The following RALB variants were observed in gnomAD, a reference collection of about 807,000 sequenced individuals.
RALB encodes ras-related protein Ral-B.
A neutral mutation model predicts 21.3 loss-of-function variants in RALB; 16 were observed. The ratio of observed to expected loss-of-function variants is 0.75; its 90% CI spans 0.51 to 1.14. The LOEUF is 1.14. Ranked by LOEUF, RALB falls within the 50% of genes most tolerant of loss-of-function variation. RALB has a pLI of 0.00. For missense variants in RALB, 161 were observed against 256.2 expected, an observed-to-expected ratio of 0.63 and a Z score of 2.54; for synonymous variants, 93 against 96.1, an observed-to-expected ratio of 0.97 and a Z score of 0.19.
chr2:120,286,806 C>A (rs1690171251), intron 3 of RALB, among the ~76,000 whole-genome samples: 1 of 152,106 alleles, frequency 6.6e-6, no homozygotes, highest in African/African-American at 2.4e-5. Flanking sequence ...AGTAGAATAT[C>A]CATTGTTATT....
At chr2:120,283,866 A>AGC (rs1690056827) in intron 2 of RALB, among the ~76,000 whole-genome samples, 1 of 152,220 alleles carries the variant, frequency 6.6e-6, no homozygotes, top group Non-Finnish European at 1.5e-5. Flanking sequence ...TTTCCAGCTG[A>AGC]GCAATGTAAA....
At chr2:120,256,286 C>A (rs7601517) in intron 1 of RALB, among the ~76,000 whole-genome samples, 1 of 152,134 alleles carries the variant, frequency 6.6e-6, no homozygotes, top group African/African-American at 2.4e-5. Flanking sequence ...TAGCTTTTCT[C>A]CCCAGAGCAA....
chr2:120,264,432 G>A (rs1306961230), intron 1 of RALB, among the ~76,000 whole-genome samples: 4 of 152,158 alleles, frequency 2.6e-5, no homozygotes, highest in African/African-American at 9.7e-5. Context: ...GATTACAGGC[G>A]TGAGCCACCA....
chr2:120,287,537 C>T (rs75883745), intron 3 of RALB, among the ~76,000 whole-genome samples: 12,201 of 152,318 alleles, frequency 0.08, 654 homozygotes, highest in Non-Finnish European at 0.12. Context: ...ACACTCTCTT[C>T]TTTTCTTCCC....
At chr2:120,276,772 A>G (rs1689806507) in intron 1 of RALB, among the ~76,000 whole-genome samples, 1 of 152,114 alleles carries the variant, frequency 6.6e-6, no homozygotes. Flanking sequence ...GGTGTTTTCC[A>G]TGTATATCCT....
chr2:120,277,627 T>C (rs1194746421), intron 1 of RALB, among the ~76,000 whole-genome samples: 1 of 150,928 alleles, frequency 6.6e-6, no homozygotes, highest in Non-Finnish European at 1.5e-5. Flanking sequence ...TGTGAGCTTG[T>C]GAGTGTACAT....
chr2:120,278,636 G>A lies in RALB; in HGVS notation c.-29G>A. The A allele has an allele frequency of 6.4e-7, 1 of 1,562,158 alleles. No individual in the cohort carries two copies. Among genetic ancestry groups the A allele is most frequent in the Non-Finnish European group, 8.7e-7 (1 of 1,153,512 alleles). ...TCAGCAGCTCTTCAGTGGGTCATCT[G>A]TGTGTCACAGCCTCAGAAGACCAGC... On this transcript the variant is annotated 5_prime_UTR_variant, in exon 2 of 5. It adds an upstream start codon to the 5' untranslated region. Coordinates refer to ENST00000272519, the MANE Select transcript of RALB (RefSeq NM_002881.3).
chr2:120,272,962 G>GA (rs1377697934), intron 1 of RALB, among the ~76,000 whole-genome samples: 1 of 152,140 alleles, frequency 6.6e-6, no homozygotes, highest in Non-Finnish European at 1.5e-5. Context: ...TTTGGTACAA[G>GA]AAAAAACAAA....
chr2:120,257,191 C>A (rs565916649), intron 1 of RALB, among the ~76,000 whole-genome samples: 44 of 152,266 alleles, frequency 2.9e-4, no homozygotes, highest in African/African-American at 1.0e-3. Flanking sequence ...TAAAATTAGT[C>A]ATTCATTATC....
At chr2:120,240,192 G>T (rs1688869320) in intron 1 of RALB, 6 of 1,280,702 alleles carry the variant, frequency 4.7e-6, no homozygotes, top group South Asian at 3.7e-5. Flanking sequence ...CTTGCCTGTT[G>T]TTATCCTCAT....
At chr2:120,281,240 GC>G (rs1689983467) in intron 2 of RALB, among the ~76,000 whole-genome samples, 3 of 152,152 alleles carry the variant, frequency 2.0e-5, no homozygotes, top group Non-Finnish European at 2.9e-5. Context: ...TCTACAAGTT[GC>G]CCGCAGGCCC....
chr2:120,247,069 A>C (rs906844708), intron 1 of RALB, among the ~76,000 whole-genome samples: 2 of 152,186 alleles, frequency 1.3e-5, no homozygotes, highest in African/African-American at 4.8e-5. Context: ...GGCGGCTTTT[A>C]TCTGGTTACC....
intron 1 of RALB, among the ~76,000 whole-genome samples, chr2:120,259,195 A>G (rs1358310702): frequency 6.6e-6 from 1 of 152,246 alleles, no homozygotes; most frequent in East Asian, 1.9e-4. Flanking sequence ...AAGCTTCCAC[A>G]GCGTAGAAAG....
At chr2:120,284,749 A>G (rs1394118814) in intron 2 of RALB, among the ~76,000 whole-genome samples, 1 of 58,238 alleles carries the variant, frequency 1.7e-5, no homozygotes, top group Non-Finnish European at 3.7e-5. Flanking sequence ...ATCACTCCAA[A>G]AAAAACCAAC....
At chr2:120,240,837 G>T (rs150276782) in intron 1 of RALB, among the ~76,000 whole-genome samples, 1 of 152,202 alleles carries the variant, frequency 6.6e-6, no homozygotes. Context: ...GCACCTGGGT[G>T]AGTGTGTGGG....
intron 1 of RALB, among the ~76,000 whole-genome samples, chr2:120,258,037 C>T (rs531480846): frequency 5.4e-4 from 82 of 152,308 alleles, no homozygotes; most frequent in African/African-American, 1.8e-3. Context: ...ACCGTGTTGC[C>T]GGCCTGGCCT....
chr2:120,275,872 G>C (rs999579904), intron 1 of RALB, among the ~76,000 whole-genome samples: 1 of 152,142 alleles, frequency 6.6e-6, no homozygotes, highest in Non-Finnish European at 1.5e-5. Flanking sequence ...GAAAGAGAAC[G>C]GTTCTCTGCC....
intron 2 of RALB, among the ~76,000 whole-genome samples, chr2:120,284,142 G>A (rs947844623): frequency 6.6e-6 from 1 of 152,108 alleles, no homozygotes; most frequent in Non-Finnish European, 1.5e-5. Flanking sequence ...ACACTTGAAA[G>A]CACAGGCAAG....
intron 1 of RALB, among the ~76,000 whole-genome samples, chr2:120,241,410 C>T (rs1308401513): frequency 6.6e-6 from 1 of 152,208 alleles, no homozygotes; most frequent in East Asian, 1.9e-4. Context: ...CCTCCTCACA[C>T]CCTCAGGATG....
Sources: gnomAD v4.1 joint callset for allele counts (sites outside exome capture counted in the v4.1 genomes callset) on GRCh38, gnomAD v4.1.1 for gene constraint, MANE v1.5 for transcripts, NCBI Gene and HGNC (gene_info 2026-07-23, HGNC 2026-07-21) for gene names.